Variants in SMAP1 observed in about 807,000 individuals in gnomAD.
SMAP1 encodes stromal membrane-associated protein 1.
In SMAP1, 24 loss-of-function variants were observed where a neutral mutation model predicts 58.5. The ratio of observed to expected loss-of-function variants is 0.41; its 90% CI spans 0.30 to 0.58. The LOEUF (loss-of-function observed/expected upper bound fraction) is 0.58, where lower values mean the gene tolerates loss of function less well. SMAP1 is among the 20% of genes least tolerant of loss of function. The probability of loss-of-function intolerance (pLI) is 0.29; values close to 1 mark genes in which losing one functional copy is unlikely to be tolerated. For synonymous variants in SMAP1, 216 were observed against 196.6 expected (o/e 1.10, Z -0.82); for missense variants, 563 against 566.3 (o/e 0.99, Z 0.06).
At chr6:70,681,286 G>T (rs1443917923) in intron 1 of SMAP1, among the ~76,000 whole-genome samples, 1 of 152,010 alleles carries the variant, frequency 6.6e-6, no homozygotes, top group East Asian at 1.9e-4. Context: ...AAAAAAAATA[G>T]CTGGGTGTGG....
chr6:70,817,193 C>G (rs1209057237), intron 6 of SMAP1, among the ~76,000 whole-genome samples: 1 of 151,486 alleles, frequency 6.6e-6, no homozygotes, highest in Non-Finnish European at 1.5e-5. Flanking sequence ...TCAAGCCGCA[C>G]ATTATTATTC....
chr6:70,732,298 G>A (rs928628518), intron 1 of SMAP1, 80 bp from the exon 2 acceptor site: 18 of 1,421,246 alleles, frequency 1.3e-5, no homozygotes, highest in Non-Finnish European at 1.6e-5. Context: ...ATATAAAACC[G>A]AGAATGCTTC....
At chr6:70,859,455 T>TA (rs1771601108) in intron 10 of SMAP1, 1 of 1,263,248 alleles carries the variant, frequency 7.9e-7, no homozygotes, top group African/African-American at 1.5e-5. Context: ...CACTTATGCC[T>TA]GATTAGTGAT....
At chr6:70,750,101 C>T (rs909150323) in intron 2 of SMAP1, among the ~76,000 whole-genome samples, 1 of 152,142 alleles carries the variant, frequency 6.6e-6, no homozygotes, top group African/African-American at 2.4e-5. Context: ...CTTGGGCACA[C>T]TTTGTTTTAT....
At position 70,702,644 on chromosome 6, in the gene SMAP1, T is replaced by C. The variant is rs529233577; in HGVS notation, c.119-29734T>C. On this transcript the variant is annotated intron_variant, in intron 1 of 10. Transcript: ENST00000370455. ...CTTTCTTCTTCTTCTTCTTCTTCTT[T>C]TTTTTTTTTTGAGGCAGAGTCTAGC... Among the ~76,000 whole-genome samples the C allele has an allele frequency of 2.4e-4, 36 of 150,400 alleles. No homozygotes were observed. In the South Asian group the frequency reaches 5.7e-3, roughly 24 times the overall value.
chr6:70,757,833 C>T (rs1320731434), intron 3 of SMAP1, among the ~76,000 whole-genome samples: 1 of 152,140 alleles, frequency 6.6e-6, no homozygotes, highest in Non-Finnish European at 1.5e-5. Context: ...CCATCTCACA[C>T]CAGTTAGAAT....
chr6:70,731,440 G>A (rs1475459018), intron 1 of SMAP1, among the ~76,000 whole-genome samples: 1 of 152,104 alleles, frequency 6.6e-6, no homozygotes, highest in Non-Finnish European at 1.5e-5. Flanking sequence ...GTTCATATAT[G>A]CGTATTATAT....
At chr6:70,858,749 T>G (rs550210652) in intron 10 of SMAP1, 1 of 152,992 alleles carries the variant, frequency 6.5e-6, no homozygotes, top group Non-Finnish European at 1.5e-5. Context: ...CCCATGGCTC[T>G]GTAAAAATTC....
At chr6:70,689,534 G>A (rs934095486) in intron 1 of SMAP1, among the ~76,000 whole-genome samples, 4 of 151,804 alleles carry the variant, frequency 2.6e-5, no homozygotes, top group Admixed American at 6.6e-5. Context: ...TATTTTTTTC[G>A]AAGTTGTTAT....
chr6:70,817,420 C>T (rs1220298266), intron 6 of SMAP1, among the ~76,000 whole-genome samples: 1 of 152,114 alleles, frequency 6.6e-6, no homozygotes, highest in Non-Finnish European at 1.5e-5. Flanking sequence ...TTTGTATAAT[C>T]ATAGTTCCTT....
At chr6:70,825,449 C>T (rs1440026538) in intron 6 of SMAP1, among the ~76,000 whole-genome samples, 9 of 151,914 alleles carry the variant, frequency 5.9e-5, no homozygotes, top group Non-Finnish European at 8.8e-5. Flanking sequence ...CTGCAAACCT[C>T]CAGAATACTG....
chr6:70,786,987 G>A (rs1479977851), intron 4 of SMAP1, among the ~76,000 whole-genome samples: 37 of 152,132 alleles, frequency 2.4e-4, no homozygotes, highest in East Asian at 3.9e-4. Flanking sequence ...AGCCCGCATC[G>A]CCAAGTCAGT....
chr6:70,822,613 T>C (rs1446635043), intron 6 of SMAP1, among the ~76,000 whole-genome samples: 1 of 152,186 alleles, frequency 6.6e-6, no homozygotes, highest in African/African-American at 2.4e-5. Flanking sequence ...TTGAACATGA[T>C]GTACTTGGGT....
Position 70,667,959 on chromosome 6 carries a change from T to TGA in SMAP1, c.-64_-63insAG, listed in dbSNP as rs1766094121. On this transcript the variant is annotated 5_prime_UTR_variant, in exon 1 of 11. Transcript: ENST00000370455. ...CCGGCGGCGCCAGGTGCGTTCACTC[T>TGA]GCCCGGCTCCAGCCAGCGTCCGCCG... 2.8e-6 allele frequency: 4 copies of TGA among 1,428,784 alleles called. No homozygotes were observed. The East Asian group carries it at 1.1e-4, about 40-fold the overall frequency. 88.5% of individuals were successfully genotyped at this position (1,428,784 alleles called of 1,614,324 possible).
At chr6:70,805,146 G>A (rs557111102) in intron 6 of SMAP1, among the ~76,000 whole-genome samples, 7 of 152,098 alleles carry the variant, frequency 4.6e-5, no homozygotes, top group South Asian at 2.1e-4. Context: ...CCAATCAGAC[G>A]TAGATTTGGT....
chr6:70,807,622 C>T (rs1769192907), intron 6 of SMAP1, among the ~76,000 whole-genome samples: 1 of 152,088 alleles, frequency 6.6e-6, no homozygotes. Context: ...TTAATTTGTC[C>T]TTTGGAAGTT....
chr6:70,789,248 C>T lies in SMAP1; in HGVS notation c.415-2441C>T, dbSNP rs139765156. On this transcript the variant is annotated intron_variant, in intron 4 of 10. Transcript: ENST00000370455. ...TAAGGTACAGATCAATGAATTTTTA[C>T]AAATACATATCGCTGTGTAACCACT... 1.4e-3 allele frequency among the ~76,000 whole-genome samples: 213 copies of T among 152,208 alleles called. 4 individuals are homozygous for T. In the East Asian group the frequency reaches 0.034, roughly 24 times the overall value.
chr6:70,723,742 A>G lies in SMAP1; in HGVS notation c.119-8636A>G, dbSNP rs1357920473. Among the ~76,000 whole-genome samples the G allele has an allele frequency of 2.0e-5, 3 of 152,126 alleles. No individual in the cohort carries two copies. The East Asian group carries it at 5.8e-4, about 29-fold the overall frequency. On this transcript the variant is annotated intron_variant, in intron 1 of 10. Coordinates refer to ENST00000370455, the MANE Select transcript of SMAP1 (RefSeq NM_001044305.3). ...TGTTGATGTAGTAGACTCTTGGTAA[A>G]TCTTTGTGAGGTGAATGCATGTGCT...
At chr6:70,680,102 TCAACAACAACAA>T (rs140699249) in intron 1 of SMAP1, among the ~76,000 whole-genome samples, 76 of 150,462 alleles carry the variant, frequency 5.1e-4, no homozygotes, top group African/African-American at 1.6e-3. Flanking sequence ...GATAGTCTTT[TCAACAACAACAA>T]CAACAACAAC....
Sources: gnomAD v4.1 joint callset for allele counts (sites outside exome capture counted in the v4.1 genomes callset) on GRCh38, gnomAD v4.1.1 for gene constraint, MANE v1.5 for transcripts, NCBI Gene and HGNC (gene_info 2026-07-23, HGNC 2026-07-21) for gene names.